XIRP2: variants seen among roughly 807,000 people sequenced by gnomAD.
The protein encoded by XIRP2 is xin actin-binding repeat-containing protein 2.
A neutral mutation model predicts 277.0 loss-of-function variants in XIRP2; 236 were observed. The observed-to-expected ratio is 0.85, with a 90% confidence interval of 0.77 to 0.95. XIRP2 has a LOEUF of 0.95. Ranked by LOEUF, XIRP2 falls within the 40% of genes least tolerant of loss-of-function variation. The pLI is 0.00. For missense variants in XIRP2, 4,640 were observed against 4,157.5 expected (o/e 1.12, Z -3.19); for synonymous variants, 1,490 against 1,416.5 (o/e 1.05, Z -1.17).
intron 2 of XIRP2, among the ~76,000 whole-genome samples, chr2:167,120,814 A>G (rs1208357039): frequency 1.3e-5 from 2 of 152,166 alleles, no homozygotes; most frequent in Non-Finnish European, 2.9e-5. Context: ...TTAATTTTGT[A>G]TATAAAAGAG....
intron 2 of XIRP2, among the ~76,000 whole-genome samples, chr2:166,962,923 A>C (rs1686334340): frequency 6.6e-6 from 1 of 151,712 alleles, no homozygotes; most frequent in Non-Finnish European, 1.5e-5. Context: ...GTAAGACAGA[A>C]GGAATAAGTT....
chr2:167,177,005 C>T (rs1277781028), intron 3 of XIRP2, among the ~76,000 whole-genome samples: 1 of 152,196 alleles, frequency 6.6e-6, no homozygotes, highest in Non-Finnish European at 1.5e-5. Context: ...CTCTTCAATC[C>T]TTCCACCAGT....
chr2:167,165,757 T>A (rs1692506108), intron 3 of XIRP2, among the ~76,000 whole-genome samples: 1 of 152,224 alleles, frequency 6.6e-6, no homozygotes, highest in Non-Finnish European at 1.5e-5. Flanking sequence ...CAGATAAGTC[T>A]TTTGCAAATT....
intron 5 of XIRP2, among the ~76,000 whole-genome samples, chr2:167,228,411 T>G (rs1694668103): frequency 6.6e-6 from 1 of 152,152 alleles, no homozygotes; most frequent in African/African-American, 2.4e-5. Context: ...GCCATTCCAG[T>G]ACAACATCAT....
intron 2 of XIRP2, among the ~76,000 whole-genome samples, chr2:167,111,060 C>T (rs2105294878): frequency 6.6e-6 from 1 of 152,124 alleles, no homozygotes; most frequent in East Asian, 1.9e-4. Flanking sequence ...TTTATCAGAT[C>T]AAGGAGCTTT....
intron 3 of XIRP2, among the ~76,000 whole-genome samples, chr2:167,176,448 C>A (rs980249392): frequency 6.6e-6 from 1 of 152,200 alleles, no homozygotes; most frequent in African/African-American, 2.4e-5. Flanking sequence ...TCCCATTCAA[C>A]CATCTTGCCA....
intron 3 of XIRP2, among the ~76,000 whole-genome samples, chr2:167,150,389 T>A (rs1691983149): frequency 6.6e-6 from 1 of 152,076 alleles, no homozygotes; most frequent in Non-Finnish European, 1.5e-5. Flanking sequence ...CAGTTCAACA[T>A]CAGTATTTAT....
chr2:166,940,397 TC>T (rs1260280539), intron 2 of XIRP2, among the ~76,000 whole-genome samples: 1 of 152,232 alleles, frequency 6.6e-6, no homozygotes, highest in Admixed American at 6.5e-5. Flanking sequence ...TTGAACTTCC[TC>T]CTTTAGCTTG....
intron 2 of XIRP2, among the ~76,000 whole-genome samples, chr2:167,059,625 C>T (rs1291657316): frequency 6.6e-6 from 1 of 152,064 alleles, no homozygotes; most frequent in Non-Finnish European, 1.5e-5. Flanking sequence ...AATGTCTTTC[C>T]TCCCACCTCC....
intron 4 of XIRP2, 147 bp downstream of exon 4, chr2:167,211,042 A>C: frequency 1.0e-6 from 1 of 977,496 alleles, no homozygotes; most frequent in African/African-American, 1.6e-5. Context: ...AATCCAGACT[A>C]TCTGAATTTA....
chr2:167,207,077 C>T (rs764295601), intron 3 of XIRP2, among the ~76,000 whole-genome samples: 3 of 151,984 alleles, frequency 2.0e-5, no homozygotes, highest in Non-Finnish European at 4.4e-5. Flanking sequence ...CAAATTGTAA[C>T]TCTATGAAAA....
intron 2 of XIRP2, among the ~76,000 whole-genome samples, chr2:167,071,031 C>G (rs1689424877): frequency 6.6e-6 from 1 of 152,038 alleles, no homozygotes; most frequent in Non-Finnish European, 1.5e-5. Flanking sequence ...AGTAGTTTTC[C>G]CAATAGCAAA....
intron 2 of XIRP2, among the ~76,000 whole-genome samples, chr2:167,042,744 A>T (rs1688690319): frequency 6.6e-6 from 1 of 152,134 alleles, no homozygotes; most frequent in South Asian, 2.1e-4. Flanking sequence ...AGTTAGATAA[A>T]CATACAATAA....
intron 2 of XIRP2, among the ~76,000 whole-genome samples, chr2:166,926,872 G>A (rs1202882924): frequency 6.6e-6 from 1 of 152,064 alleles, no homozygotes; most frequent in Non-Finnish European, 1.5e-5. Flanking sequence ...GACCCAGCAG[G>A]CACAGTGCAT....
chr2:166,948,964 C>T (rs1685955412), intron 2 of XIRP2, among the ~76,000 whole-genome samples: 1 of 151,884 alleles, frequency 6.6e-6, no homozygotes, highest in South Asian at 2.1e-4. Flanking sequence ...AATTATTTTT[C>T]CTACCAGTAC....
At chr2:167,068,703 G>A (rs1406716433) in intron 2 of XIRP2, among the ~76,000 whole-genome samples, 1 of 151,810 alleles carries the variant, frequency 6.6e-6, no homozygotes, top group Non-Finnish European at 1.5e-5. Flanking sequence ...TTGGCTCAAA[G>A]GCCATAGTTT....
At chr2:166,910,592 T>C (rs1684673771) in intron 2 of XIRP2, among the ~76,000 whole-genome samples, 1 of 152,064 alleles carries the variant, frequency 6.6e-6, no homozygotes, top group Non-Finnish European at 1.5e-5. Flanking sequence ...TTTTGAAGGG[T>C]TTTTTGTGTC....
intron 2 of XIRP2, among the ~76,000 whole-genome samples, chr2:166,935,642 T>A (rs375687065): frequency 9.9e-5 from 15 of 152,214 alleles, no homozygotes; most frequent in African/African-American, 3.4e-4. Context: ...AATTCCCACC[T>A]ATGATTGAGA....
intron 2 of XIRP2, among the ~76,000 whole-genome samples, chr2:167,065,456 A>T (rs1415635824): frequency 6.6e-6 from 1 of 151,814 alleles, no homozygotes; most frequent in Non-Finnish European, 1.5e-5. Flanking sequence ...CTCCCATTCT[A>T]GGTGATGGCT....
Sources: gnomAD v4.1 joint callset for allele counts (sites outside exome capture counted in the v4.1 genomes callset) on GRCh38, gnomAD v4.1.1 for gene constraint, MANE v1.5 for transcripts, NCBI Gene and HGNC (gene_info 2026-07-23, HGNC 2026-07-21) for gene names.